ANO10: variants seen among roughly 807,000 people sequenced by gnomAD.
The protein encoded by ANO10 is anoctamin 10.
A neutral mutation model predicts 74.7 loss-of-function variants in ANO10; 77 were observed. The ratio of observed to expected loss-of-function variants is 1.03; its 90% CI spans 0.86 to 1.25. The LOEUF (loss-of-function observed/expected upper bound fraction) is 1.25. Ranked by LOEUF, ANO10 falls within the 50% of genes most tolerant of loss-of-function variation. The probability of loss-of-function intolerance (pLI) is 0.00; values close to 1 mark genes in which losing one functional copy is unlikely to be tolerated. For missense variants in ANO10, 721 were observed against 778.1 expected (o/e 0.93, Z 0.87); for synonymous variants, 279 against 284.9 (o/e 0.98, Z 0.21).
intron 12 of ANO10, among the ~76,000 whole-genome samples, chr3:43,417,254 T>C (rs553047727): frequency 1.1e-4 from 16 of 152,292 alleles, no homozygotes; most frequent in African/African-American, 3.9e-4. Context: ...ATATTCAAAA[T>C]GGTGGCTCCA....
intron 4 of ANO10, among the ~76,000 whole-genome samples, chr3:43,593,241 T>C (rs2081893434): frequency 6.6e-6 from 1 of 152,048 alleles, no homozygotes; most frequent in Non-Finnish European, 1.5e-5. Context: ...AACATTCAAA[T>C]ACAGGAAATA....
chr3:43,600,705 A>G (rs2082303731), intron 2 of ANO10, 124 bp from the exon 3 acceptor site: 1 of 830,266 alleles, frequency 1.2e-6, no homozygotes, highest in East Asian at 2.7e-5. Context: ...AGCAATTTAA[A>G]TCCATCTTCC....
chr3:43,479,296 T>C (rs1416751803), intron 11 of ANO10, among the ~76,000 whole-genome samples: 4 of 152,230 alleles, frequency 2.6e-5, no homozygotes, highest in African/African-American at 9.6e-5. Context: ...AAAGTTTCTA[T>C]ACCTAATTAT....
intron 11 of ANO10, among the ~76,000 whole-genome samples, chr3:43,532,952 T>C (rs1047682779): frequency 6.6e-6 from 1 of 152,004 alleles, no homozygotes; most frequent in Admixed American, 6.6e-5. Context: ...GGCACAAACG[T>C]TCTCTATACT....
At chr3:43,655,351 C>T (rs758016208) in intron 1 of ANO10, among the ~76,000 whole-genome samples, 2 of 152,064 alleles carry the variant, frequency 1.3e-5, no homozygotes, top group South Asian at 2.1e-4. Flanking sequence ...TTCGTGGTCT[C>T]GCTGGCTCAG....
chr3:43,370,063 A>G (rs879301089), intron 12 of ANO10, among the ~76,000 whole-genome samples: 3 of 152,238 alleles, frequency 2.0e-5, no homozygotes, highest in African/African-American at 4.8e-5. Context: ...GCGACGTACA[A>G]CAGGAATATC....
chr3:43,504,210 G>A (rs2077200897), intron 11 of ANO10, among the ~76,000 whole-genome samples: 1 of 152,104 alleles, frequency 6.6e-6, no homozygotes, highest in African/African-American at 2.4e-5. Flanking sequence ...GGAGGTTGCA[G>A]TGAGCTGAGA....
chr3:43,455,317 G>T (rs150185972), intron 11 of ANO10, among the ~76,000 whole-genome samples: 2 of 152,156 alleles, frequency 1.3e-5, no homozygotes, highest in Non-Finnish European at 2.9e-5. Context: ...TGAGGTCAGT[G>T]ATTAGGAATC....
At chr3:43,561,531 A>C (rs926625665) in intron 8 of ANO10, 129 bp from the exon 9 acceptor site, 1 of 863,392 alleles carries the variant, frequency 1.2e-6, no homozygotes, top group Admixed American at 2.5e-5. Flanking sequence ...AATAAAATGG[A>C]ATCTTCAATA....
chr3:43,576,504 A>G (rs746528880), intron 6 of ANO10, among the ~76,000 whole-genome samples, 188 bp downstream of exon 6: 3 of 152,228 alleles, frequency 2.0e-5, no homozygotes, highest in Non-Finnish European at 2.9e-5. Context: ...ATAATAAATG[A>G]GAGTTACGAT....
intron 10 of ANO10, among the ~76,000 whole-genome samples, chr3:43,553,817 G>A (rs1323740496): frequency 6.6e-6 from 1 of 152,130 alleles, no homozygotes; most frequent in Non-Finnish European, 1.5e-5. Flanking sequence ...TTACAGGCGT[G>A]AGCCACAGCA....
intron 7 of ANO10, among the ~76,000 whole-genome samples, chr3:43,566,124 C>CGACG (rs1446568486): frequency 1.3e-5 from 2 of 152,138 alleles, no homozygotes; most frequent in African/African-American, 4.8e-5. Flanking sequence ...TGCGCTTTTC[C>CGACG]GACGGGCTTA....
At chr3:43,627,309 T>C (rs2083502100) in intron 1 of ANO10, among the ~76,000 whole-genome samples, 1 of 152,252 alleles carries the variant, frequency 6.6e-6, no homozygotes, top group South Asian at 2.1e-4. Context: ...GTGGAAGGCC[T>C]GGAGAAACAG....
chr3:43,602,658 T>G (rs1396288986), intron 2 of ANO10, among the ~76,000 whole-genome samples: 1 of 152,208 alleles, frequency 6.6e-6, no homozygotes, highest in African/African-American at 2.4e-5. Flanking sequence ...TATGAAGAAC[T>G]ATTTGTCAAC....
At chr3:43,645,264 G>A (rs1187778080) in intron 1 of ANO10, among the ~76,000 whole-genome samples, 2 of 152,256 alleles carry the variant, frequency 1.3e-5, no homozygotes, top group African/African-American at 2.4e-5. Context: ...GCTGAGGTGG[G>A]CGGAGCACAA....
chr3:43,470,336 T>G (rs2075799574), intron 11 of ANO10, among the ~76,000 whole-genome samples: 1 of 152,036 alleles, frequency 6.6e-6, no homozygotes, highest in Non-Finnish European at 1.5e-5. Context: ...GTATGGGAGA[T>G]ATATCGTAAT....
At chr3:43,523,540 G>A (rs1297612939) in intron 11 of ANO10, among the ~76,000 whole-genome samples, 1 of 152,118 alleles carries the variant, frequency 6.6e-6, no homozygotes, top group Non-Finnish European at 1.5e-5. Flanking sequence ...TTACCCTAAG[G>A]CTACACACAA....
At chr3:43,552,710 A>ATGTATG (rs2079529549) in intron 10 of ANO10, among the ~76,000 whole-genome samples, 1 of 130,564 alleles carries the variant, frequency 7.7e-6, no homozygotes, top group Non-Finnish European at 1.6e-5. Context: ...ATATATATAT[A>ATGTATG]TATATATATA....
At chr3:43,529,103 A>G (rs1056954653) in intron 11 of ANO10, among the ~76,000 whole-genome samples, 1 of 152,244 alleles carries the variant, frequency 6.6e-6, no homozygotes, top group African/African-American at 2.4e-5. Flanking sequence ...TGCCTATAAA[A>G]TAATTACACT....
Sources: allele counts gnomAD v4.1 joint callset (sites outside exome capture counted in the v4.1 genomes callset), GRCh38; gene constraint gnomAD v4.1.1; transcripts MANE v1.5; gene names NCBI Gene and HGNC (gene_info 2026-07-23, HGNC 2026-07-21).